The following ATL2 variants were observed in gnomAD, a reference collection of about 807,000 sequenced individuals.
ATL2 encodes atlastin GTPase 2.
In ATL2, 31 loss-of-function variants were observed where a neutral mutation model predicts 73.9. The observed-to-expected ratio is 0.42, with a 90% CI of 0.32 to 0.57. The LOEUF (loss-of-function observed/expected upper bound fraction) is 0.57. Ranked by LOEUF, ATL2 falls within the 20% of genes least tolerant of loss-of-function variation. The pLI is 0.14. For synonymous variants in ATL2, 291 were observed against 237.5 expected, an observed-to-expected ratio of 1.23 and a Z score of -2.07; for missense variants, 738 against 702.6, an observed-to-expected ratio of 1.05 and a Z score of -0.57.
chr2:38,298,556 G>C lies in ATL2; in HGVS notation c.1220C>G (p.Pro407Arg), dbSNP rs1399148296. The C allele has an allele frequency of 1.2e-6, 2 of 1,613,870 alleles. No individual in the cohort carries two copies. The highest frequency in any genetic ancestry group is 1.7e-6 in the Non-Finnish European group (2 of 1,179,848). ...SMEQVCGGDK[P>R]YIAPSDLERK... ...CTCCAGATCTGAAGGTGCAATGTAA[G>C]GCTTGTCCCCTCCACATACCTGGAC... Residue 407 changes from proline (P) to arginine (R), a missense_variant, in exon 12 of 13, where the codon CCT becomes CGT. Coordinates refer to ENST00000378954, the MANE Select transcript of ATL2 (RefSeq NM_001135673.4).
intron 2 of ATL2, among the ~76,000 whole-genome samples, chr2:38,336,706 C>T (rs983842248): frequency 3.3e-5 from 5 of 152,154 alleles, no homozygotes; most frequent in Admixed American, 3.3e-4. Flanking sequence ...TTAAGTCTTG[C>T]CACTTACTTT....
At chr2:38,306,239 A>G (rs1370094656) in intron 9 of ATL2, among the ~76,000 whole-genome samples, 1 of 152,228 alleles carries the variant, frequency 6.6e-6, no homozygotes, top group African/African-American at 2.4e-5. Flanking sequence ...TAACGAGATC[A>G]AAGCCATAAT....
intron 1 of ATL2, among the ~76,000 whole-genome samples, chr2:38,369,654 A>G (rs1399899161): frequency 2.0e-5 from 3 of 151,904 alleles, no homozygotes; most frequent in South Asian, 2.1e-4. Flanking sequence ...CAGGAGACTA[A>G]GGCAGGAGGT....
chr2:38,306,952 A>T (rs1278536907), intron 9 of ATL2, among the ~76,000 whole-genome samples: 4 of 152,228 alleles, frequency 2.6e-5, no homozygotes, highest in Middle Eastern at 3.2e-3. Context: ...GGAAAACTGA[A>T]TATCCATATG....
chr2:38,311,924 C>G (rs1667777517), intron 7 of ATL2, among the ~76,000 whole-genome samples: 1 of 152,184 alleles, frequency 6.6e-6, no homozygotes, highest in African/African-American at 2.4e-5. Flanking sequence ...ACAGAAAATG[C>G]TGATGACTGA....
intron 2 of ATL2, among the ~76,000 whole-genome samples, chr2:38,341,304 TTC>T (rs1398355439): frequency 2.0e-5 from 3 of 152,180 alleles, no homozygotes; most frequent in African/African-American, 7.2e-5. Context: ...ACTTAAACAT[TTC>T]TCTATTTCAG....
chr2:38,364,841 G>A (rs1262194844), intron 1 of ATL2, among the ~76,000 whole-genome samples: 2 of 151,978 alleles, frequency 1.3e-5, no homozygotes, highest in African/African-American at 4.8e-5. Context: ...TCAGGAGATT[G>A]AGACCATCCT....
At chr2:38,349,436 C>T (rs1478857242) in intron 1 of ATL2, among the ~76,000 whole-genome samples, 5 of 146,858 alleles carry the variant, frequency 3.4e-5, no homozygotes, top group Admixed American at 2.8e-4. Context: ...AAAAACCAAA[C>T]ACCGCATGTT....
At chr2:38,361,210 C>A (rs763983568) in intron 1 of ATL2, among the ~76,000 whole-genome samples, 2 of 151,624 alleles carry the variant, frequency 1.3e-5, no homozygotes, top group Non-Finnish European at 2.9e-5. Flanking sequence ...AAAAATTAGC[C>A]AGGCGTGGTG....
At chr2:38,324,827 C>T (rs1668506545) in intron 2 of ATL2, among the ~76,000 whole-genome samples, 1 of 152,192 alleles carries the variant, frequency 6.6e-6, no homozygotes, top group East Asian at 1.9e-4. Context: ...ATATGAGGTG[C>T]TTAGTCAAAT....
At chr2:38,336,281 TAAAG>T (rs1669351660) in intron 2 of ATL2, among the ~76,000 whole-genome samples, 1 of 152,244 alleles carries the variant, frequency 6.6e-6, no homozygotes, top group African/African-American at 2.4e-5. Context: ...GTATGATTCT[TAAAG>T]ATAGTTTTTT....
intron 9 of ATL2, among the ~76,000 whole-genome samples, chr2:38,301,764 T>A (rs1280822234): frequency 1.3e-5 from 2 of 152,228 alleles, no homozygotes; most frequent in African/African-American, 4.8e-5. Context: ...CCACAAGGAC[T>A]GCAATTCCTG....
chr2:38,377,400 C>T (rs1488864989), upstream of ATL2: 35 of 673,250 alleles, frequency 5.2e-5, no homozygotes, highest in South Asian at 5.7e-4. Flanking sequence ...CCTGTATCTC[C>T]TCGCCCTCCG....
intron 2 of ATL2, among the ~76,000 whole-genome samples, chr2:38,324,229 G>A (rs1258132495): frequency 6.6e-6 from 1 of 152,190 alleles, no homozygotes; most frequent in African/African-American, 2.4e-5. Context: ...GATGAGCCAA[G>A]ATCGCGCCAT....
At chr2:38,348,702 C>G (rs903198236) in intron 1 of ATL2, among the ~76,000 whole-genome samples, 4 of 150,476 alleles carry the variant, frequency 2.7e-5, no homozygotes, top group Non-Finnish European at 5.9e-5. Context: ...AGCTTCTGCA[C>G]AGCAAAAGAA....
intron 1 of ATL2, chr2:38,375,983 C>T (rs888883628): frequency 1.8e-6 from 2 of 1,139,842 alleles, no homozygotes; most frequent in Non-Finnish European, 2.3e-6. Context: ...AAAGTGAGTC[C>T]TTGTGGTTAA....
rs768435584 is a variant in ATL2, at chr2:38,296,050, T to TA, written c.1695dup (p.Ile566TyrfsTer7). ...ACCTGGTCAGTCAGGCCTGCTTTGATAGAGTTTGTTACAGACTGCCTTATG... is the reference window on the plus strand; with the variant it reads ...ACCTGGTCAGTCAGGCCTGCTTTGATAAGAGTTTGTTACAGACTGCCTTATG... On this transcript the variant is annotated frameshift_variant, in exon 13 of 13. Transcript: ENST00000378954. LOFTEE classifies it high-confidence loss of function. The TA allele has an allele frequency of 5.5e-5, 85 of 1,551,650 alleles. No individual in the cohort carries two copies. The highest frequency in any genetic ancestry group is 1.7e-4 in the Middle Eastern group (1 of 6,018).
At position 38,298,387 on chromosome 2, in the gene ATL2, A is replaced by G. The variant is rs201456446; in HGVS notation, c.1389T>C (p.Asn463=). The change falls in exon 12 of 13, where the codon AAT becomes AAC. Residue 463 remains asparagine (N), a synonymous_variant. Transcript: ENST00000378954. ...CAGCATAGAAGATATTTTTGCCATC[A>G]TTGTGCTTTATAAAATTTGCATAGG... is the stretch of plus-strand genomic sequence containing the variant. ...EETYANFIKH[N]DGKNIFYAAR... is the part of the protein sequence containing the mutation. 132 of 1,614,066 alleles carry G rather than the reference A, an allele frequency of 8.2e-5. No homozygotes were observed. Among genetic ancestry groups the G allele is most frequent in the Non-Finnish European group, 1.1e-4 (124 of 1,180,026 alleles).
At chr2:38,296,204 A>C (rs994067428) in intron 12 of ATL2, 91 bp from the exon 13 acceptor site, 1 of 1,432,338 alleles carries the variant, frequency 7.0e-7, no homozygotes, top group African/African-American at 1.4e-5. Flanking sequence ...AATTCAAAGC[A>C]ATGATGAAAA....
Sources: gnomAD v4.1 joint callset for allele counts (sites outside exome capture counted in the v4.1 genomes callset) on GRCh38, gnomAD v4.1.1 for gene constraint, MANE v1.5 for transcripts, NCBI Gene and HGNC (gene_info 2026-07-23, HGNC 2026-07-21) for gene names.